The following MARCHF7 variants were observed in gnomAD, a reference collection of about 807,000 sequenced individuals.
MARCHF7 encodes membrane associated ring-CH-type finger 7.
MARCHF7 carries 20 observed loss-of-function variants against 76.5 expected under a neutral mutation model. That is an observed-to-expected ratio of 0.26 (90% CI 0.18 to 0.38). The LOEUF (loss-of-function observed/expected upper bound fraction) is 0.38. MARCHF7 is among the 10% of genes least tolerant of loss of function. MARCHF7 has a pLI of 1.00. For missense variants in MARCHF7, 797 were observed against 812.9 expected (o/e 0.98, Z 0.24); for synonymous variants, 295 against 293.0 (o/e 1.01, Z -0.07).
At chr2:159,735,767 A>T (rs1425141093) in intron 4 of MARCHF7, among the ~76,000 whole-genome samples, 1 of 152,188 alleles carries the variant, frequency 6.6e-6, no homozygotes, top group Non-Finnish European at 1.5e-5. Flanking sequence ...GACTATTATG[A>T]ATAATGCTGC....
chr2:159,723,018 C>T (rs1574210134), intron 3 of MARCHF7, among the ~76,000 whole-genome samples: 1 of 152,112 alleles, frequency 6.6e-6, no homozygotes. Context: ...TTAATATTGA[C>T]GTATGTCTTT....
At chr2:159,746,878 TTA>T in intron 6 of MARCHF7, among the ~76,000 whole-genome samples, 1 of 150,788 alleles carries the variant, frequency 6.6e-6, no homozygotes, top group East Asian at 1.9e-4. Flanking sequence ...GGGGAAATCT[TTA>T]TTTATGACAA....
chr2:159,745,701 A>G (rs1704781584), intron 5 of MARCHF7, 69 bp from the exon 6 acceptor site: 2 of 1,031,172 alleles, frequency 1.9e-6, no homozygotes, highest in Non-Finnish European at 2.9e-6. Flanking sequence ...CCTCTCTATT[A>G]CTGAAGATTG....
intron 3 of MARCHF7, among the ~76,000 whole-genome samples, chr2:159,719,761 TGCA>T (rs1351517377): frequency 6.6e-6 from 1 of 152,224 alleles, no homozygotes; most frequent in Non-Finnish European, 1.5e-5. Flanking sequence ...TTTTTTTCCT[TGCA>T]TTTTTGTGTA....
At chr2:159,730,131 G>T (rs1325358259) in intron 4 of MARCHF7, among the ~76,000 whole-genome samples, 1 of 152,068 alleles carries the variant, frequency 6.6e-6, no homozygotes, top group African/African-American at 2.4e-5. Flanking sequence ...TCAAACTCTG[G>T]CTCAAATGAC....
At chr2:159,727,811 A>G (rs1440743863) in intron 3 of MARCHF7, among the ~76,000 whole-genome samples, 1 of 152,236 alleles carries the variant, frequency 6.6e-6, no homozygotes. Context: ...AGTTGGACAC[A>G]AAAGAGTACT....
chr2:159,731,767 C>G (rs561100439), intron 4 of MARCHF7, among the ~76,000 whole-genome samples: 1 of 151,046 alleles, frequency 6.6e-6, no homozygotes, highest in African/African-American at 2.4e-5. Context: ...AAAAAAAATT[C>G]CATTTCTTAT....
In MARCHF7 at chr2:159,748,794, A is replaced by T. The variant is rs751626783; in HGVS notation, c.1504A>T (p.Ile502Phe). 1.2e-6 allele frequency: 2 copies of T among 1,614,174 alleles called. No individual in the cohort carries two copies. Among genetic ancestry groups the T allele is most frequent in the Non-Finnish European group, 1.7e-6 (2 of 1,180,038 alleles). The stretch of plus-strand genomic sequence containing the variant: ...GAGTAATTTGACCGACAATGTCATG[A>T]TCACAGTAGATATTATTCCTTCAGG... ...LGSNLTDNVM[I>F]TVDIIPSGWN... Residue 502 changes from isoleucine (I) to phenylalanine (F), a missense_variant, in exon 7 of 12, where the codon ATC becomes TTC. Ile to Phe is a conservative substitution (Grantham distance 21, BLOSUM62 0). Coordinates refer to ENST00000409175, the MANE Select transcript of MARCHF7 (RefSeq NM_001282805.2).
At chr2:159,755,115 A>G (rs1706130407) in intron 8 of MARCHF7, among the ~76,000 whole-genome samples, 6 of 152,202 alleles carry the variant, frequency 3.9e-5, no homozygotes, top group Non-Finnish European at 8.8e-5. Flanking sequence ...AGAAATTAAA[A>G]CCAGGAGGAA....
intron 4 of MARCHF7, chr2:159,734,014 T>C (rs1408452719): frequency 3.0e-6 from 4 of 1,352,298 alleles, no homozygotes; most frequent in Non-Finnish European, 3.9e-6. Context: ...ACTTCTGCTA[T>C]CCCATCTTTA....
intron 9 of MARCHF7, among the ~76,000 whole-genome samples, chr2:159,761,478 G>A (rs1193419905): frequency 7.9e-6 from 1 of 125,828 alleles, no homozygotes; most frequent in Non-Finnish European, 1.6e-5. Context: ...GCAATGGCAT[G>A]ATCTCGGCCA....
intron 3 of MARCHF7, among the ~76,000 whole-genome samples, chr2:159,726,114 A>C (rs1034246159): frequency 6.6e-6 from 1 of 152,196 alleles, no homozygotes; most frequent in Admixed American, 6.5e-5. Context: ...TAGGGACACA[A>C]GAGTGTTACC....
At chr2:159,766,641 G>C (rs556695062) in intron 11 of MARCHF7, among the ~76,000 whole-genome samples, 2 of 152,152 alleles carry the variant, frequency 1.3e-5, no homozygotes, top group African/African-American at 4.8e-5. Flanking sequence ...AATAAATTGA[G>C]GTCAGAAATG....
intron 1 of MARCHF7, among the ~76,000 whole-genome samples, chr2:159,714,261 A>G (rs1700759561): frequency 6.6e-6 from 1 of 152,238 alleles, no homozygotes; most frequent in South Asian, 2.1e-4. Flanking sequence ...ACTTTTTTAG[A>G]TAATTTGTAA....
chr2:159,738,628 C>G (rs893245955), intron 4 of MARCHF7, among the ~76,000 whole-genome samples: 3 of 152,140 alleles, frequency 2.0e-5, no homozygotes, highest in Non-Finnish European at 4.4e-5. Flanking sequence ...GTGGGTAGCT[C>G]CTGTCCATAG....
At chr2:159,731,614 C>T (rs543933490) in intron 4 of MARCHF7, among the ~76,000 whole-genome samples, 219 of 151,864 alleles carry the variant, frequency 1.4e-3, no homozygotes, top group African/African-American at 5.0e-3. Flanking sequence ...ATTAGCTGGG[C>T]GTGGTGGCGC....
intron 7 of MARCHF7, among the ~76,000 whole-genome samples, chr2:159,749,362 TTGTTGTTGAGA>T (rs1472086336): frequency 6.6e-6 from 1 of 151,954 alleles, no homozygotes; most frequent in Non-Finnish European, 1.5e-5. Context: ...GTTGTTGTTG[TTGTTGTTGAGA>T]TGGAGTCTCT....
At position 159,770,236 on chromosome 2, in the gene MARCHF7, A is replaced by G. The variant is rs1234895466; in HGVS notation, c.*2894A>G. The G allele has an allele frequency of 1.3e-5, 2 of 152,232 alleles. No homozygotes were observed. Among genetic ancestry groups the G allele is most frequent in the African/African-American group, 2.4e-5 (1 of 41,458 alleles). 9.4% of individuals were successfully genotyped at this position (152,232 alleles called of 1,614,324 possible). A position where few individuals can be genotyped will look rare whatever the true frequency, so the allele number is the denominator to read the frequency against. On this transcript the variant is annotated 3_prime_UTR_variant, in exon 12 of 12. Transcript: ENST00000409175. ...TATTGACATTAGTAATAGTCTATCAATAATAAAATAGACATCTCAATCACT... is the reference window on the plus strand; with the variant it reads ...TATTGACATTAGTAATAGTCTATCAGTAATAAAATAGACATCTCAATCACT...
At chr2:159,734,021 T>G in intron 4 of MARCHF7, 1 of 1,352,888 alleles carries the variant, frequency 7.4e-7, no homozygotes, top group Non-Finnish European at 9.7e-7. Flanking sequence ...CTATCCCATC[T>G]TTAAATTTTT....
Sources: gnomAD v4.1 joint callset for allele counts (sites outside exome capture counted in the v4.1 genomes callset) on GRCh38, gnomAD v4.1.1 for gene constraint, MANE v1.5 for transcripts, NCBI Gene and HGNC (gene_info 2026-07-23, HGNC 2026-07-21) for gene names.